The following CEP170 variants were observed in gnomAD, a reference collection of about 807,000 sequenced individuals.
The protein encoded by CEP170 is centrosomal protein 170.
A neutral mutation model predicts 151.9 loss-of-function variants in CEP170; 21 were observed. The ratio of observed to expected loss-of-function variants is 0.14; its 90% CI spans 0.10 to 0.20. The LOEUF (loss-of-function observed/expected upper bound fraction) is 0.20. Among genes scored for constraint, CEP170 ranks in the 10% least tolerant of loss-of-function variants. The probability of loss-of-function intolerance (pLI) is 1.00; values close to 1 mark genes in which losing one functional copy is unlikely to be tolerated. For synonymous variants in CEP170, 356 were observed against 648.8 expected, an observed-to-expected ratio of 0.55 and a Z score of 6.86; for missense variants, 964 against 1,892.9, an observed-to-expected ratio of 0.51 and a Z score of 9.11.
intron 12 of CEP170, chr1:243,169,145 C>G (rs978577608): frequency 6.4e-6 from 1 of 155,710 alleles, no homozygotes; most frequent in African/African-American, 2.4e-5. Context: ...CTTAAGATAT[C>G]AGCATATCAG....
intron 12 of CEP170, 39 bp from the exon 13 acceptor site, chr1:243,166,155 C>T (rs2058425469): frequency 3.1e-6 from 5 of 1,596,822 alleles, no homozygotes; most frequent in East Asian, 2.2e-5. Flanking sequence ...TTGATTAAGA[C>T]AAATAAAATA....
Position 243,125,182 on chromosome 1 carries a change from T to G in CEP170, c.*1267A>C, listed in dbSNP as rs1299343845. On this transcript the variant is annotated 3_prime_UTR_variant, in exon 20 of 20. Transcript: ENST00000366542. ...ACTGAATTAAGATACACCCCAATTA[T>G]AGTGTTCTGGAAACACAAAGGTAAT... 6.6e-6 allele frequency: 1 copy of G among 152,172 alleles called. No individual in the cohort carries two copies. Among genetic ancestry groups the G allele is most frequent in the African/African-American group, 2.4e-5 (1 of 41,446 alleles). The allele number at this position is 152,172 out of a possible 1,614,324, so 9.4% of individuals were successfully genotyped here.
chr1:243,146,528 A>G (rs2056505697), intron 14 of CEP170, among the ~76,000 whole-genome samples: 1 of 152,184 alleles, frequency 6.6e-6, no homozygotes, highest in Admixed American at 6.5e-5. Context: ...TTTTATTTCC[A>G]TGGGTAAAAA....
intron 10 of CEP170, among the ~76,000 whole-genome samples, chr1:243,179,827 G>C (rs2059503077): frequency 1.3e-5 from 2 of 152,158 alleles, no homozygotes; most frequent in Non-Finnish European, 2.9e-5. Flanking sequence ...CAAAATCTTA[G>C]AGTGAACAAA....
intron 4 of CEP170, among the ~76,000 whole-genome samples, chr1:243,208,500 C>T (rs1329850549): frequency 2.0e-5 from 3 of 151,966 alleles, no homozygotes; most frequent in Non-Finnish European, 4.4e-5. Context: ...TGGCTCCAAC[C>T]ACACTGGCTT....
At chr1:243,190,337 C>G (rs1367823892) in intron 8 of CEP170, among the ~76,000 whole-genome samples, 1 of 152,130 alleles carries the variant, frequency 6.6e-6, no homozygotes. Flanking sequence ...AAAAACTGAT[C>G]AGCTGATACA....
intron 1 of CEP170, among the ~76,000 whole-genome samples, chr1:243,226,216 G>A (rs1158665887): frequency 7.4e-6 from 1 of 135,270 alleles, no homozygotes; most frequent in Non-Finnish European, 1.5e-5. Context: ...TATATCTATA[G>A]AGAGATAGAC....
intron 1 of CEP170, among the ~76,000 whole-genome samples, chr1:243,234,740 A>T (rs2064105329): frequency 6.6e-6 from 1 of 152,254 alleles, no homozygotes; most frequent in African/African-American, 2.4e-5. Context: ...ATTTCTGAAA[A>T]TGAAGAAATA....
At chr1:243,223,860 T>C (rs1473788791) in intron 2 of CEP170, among the ~76,000 whole-genome samples, 1 of 151,702 alleles carries the variant, frequency 6.6e-6, no homozygotes, top group Non-Finnish European at 1.5e-5. Context: ...AAGCAGCCAA[T>C]GAAAAAAAAA....
At position 243,165,952 on chromosome 1, in the gene CEP170, C is replaced by G; in HGVS notation, c.2008G>C (p.Gly670Arg). ...AKVVTQRSEI[G>R]EKQDTELQEK... ...TGAAGTTCTGTGTCTTGTTTTTCTC[C>G]TATCTCTGACCTCTGTGTTACAACC... Residue 670 changes from glycine to arginine, a missense_variant, in exon 13 of 20, where the codon GGA becomes CGA. Gly to Arg is a moderately radical substitution (Grantham distance 125). Transcript: ENST00000366542. 3.7e-6 allele frequency: 6 copies of G among 1,613,650 alleles called. No homozygotes were observed. The highest frequency in any genetic ancestry group is 5.1e-6 in the Non-Finnish European group (6 of 1,179,696).
intron 13 of CEP170, among the ~76,000 whole-genome samples, chr1:243,162,000 C>A (rs1457774912): frequency 6.6e-6 from 1 of 152,082 alleles, no homozygotes; most frequent in African/African-American, 2.4e-5. Context: ...TGGCCACTGT[C>A]CTAGATAAGG....
In CEP170 at chr1:243,165,953, T is replaced by C; in HGVS notation, c.2007A>G (p.Ile669Met). The C allele has an allele frequency of 1.9e-6, 3 of 1,613,740 alleles. No homozygotes were observed. Among genetic ancestry groups the C allele is most frequent in the Non-Finnish European group, 2.5e-6 (3 of 1,179,710 alleles). ...GAAGTTCTGTGTCTTGTTTTTCTCC[T>C]ATCTCTGACCTCTGTGTTACAACCT... ...RAKVVTQRSE[I>M]GEKQDTELQE... The change falls in exon 13 of 20, where the codon ATA (isoleucine) becomes ATG (methionine). Residue 669 changes from isoleucine (I) to methionine (M), a missense_variant. Coordinates refer to ENST00000366542, the MANE Select transcript of CEP170 (RefSeq NM_014812.3).
At chr1:243,238,420 T>C (rs907163774) in intron 1 of CEP170, among the ~76,000 whole-genome samples, 11 of 152,006 alleles carry the variant, frequency 7.2e-5, no homozygotes, top group African/African-American at 9.7e-5. Flanking sequence ...GACTGTGCCA[T>C]TGCACTCTAG....
chr1:243,187,603 G>A (rs2060015427), intron 8 of CEP170, among the ~76,000 whole-genome samples: 1 of 152,138 alleles, frequency 6.6e-6, no homozygotes, highest in Non-Finnish European at 1.5e-5. Context: ...AACACCCACT[G>A]AATAATATGG....
chr1:243,238,920 T>C (rs1448704897), intron 1 of CEP170, among the ~76,000 whole-genome samples: 1 of 152,220 alleles, frequency 6.6e-6, no homozygotes, highest in Non-Finnish European at 1.5e-5. Context: ...TCAGTCTGCT[T>C]TCCTCTCACT....
chr1:243,154,249 C>T (rs2057363326), intron 14 of CEP170, among the ~76,000 whole-genome samples: 1 of 152,276 alleles, frequency 6.6e-6, no homozygotes, highest in Admixed American at 6.5e-5. Flanking sequence ...TTATCTTTTT[C>T]AAATAAAAGT....
At chr1:243,179,621 AT>A (rs1235620570) in intron 10 of CEP170, among the ~76,000 whole-genome samples, 9 of 152,186 alleles carry the variant, frequency 5.9e-5, no homozygotes, top group Non-Finnish European at 4.4e-5. Context: ...GCATGGTTGG[AT>A]TTAATTAATC....
At chr1:243,163,160 T>C (rs2058198912) in intron 13 of CEP170, 1 of 152,234 alleles carries the variant, frequency 6.6e-6, no homozygotes. Context: ...CAAAGTACTG[T>C]TCCTTTAGGG....
At chr1:243,156,652 CA>C in intron 13 of CEP170, 197 bp from the exon 14 acceptor site, 1 of 467,450 alleles carries the variant, frequency 2.1e-6, no homozygotes, top group Non-Finnish European at 3.7e-6. Context: ...GAATTAAAAA[CA>C]ATGAAGAATC....
Sources: gnomAD v4.1 joint callset for allele counts (sites outside exome capture counted in the v4.1 genomes callset) on GRCh38, gnomAD v4.1.1 for gene constraint, MANE v1.5 for transcripts, NCBI Gene and HGNC (gene_info 2026-07-23, HGNC 2026-07-21) for gene names.